Variants in ADGRL3 observed in about 807,000 individuals in gnomAD.
The protein encoded by ADGRL3 is adhesion G protein-coupled receptor L3.
ADGRL3 carries 62 observed loss-of-function variants against 153.5 expected under a neutral mutation model. The ratio of observed to expected loss-of-function variants is 0.40; its 90% CI spans 0.33 to 0.50. ADGRL3 has a LOEUF of 0.50. ADGRL3 is among the 20% of genes least tolerant of loss of function. The pLI is 0.47. For missense variants in ADGRL3, 1,641 were observed against 1,859.4 expected, an observed-to-expected ratio of 0.88 and a Z score of 2.16; for synonymous variants, 710 against 672.5, an observed-to-expected ratio of 1.06 and a Z score of -0.86.
intron 5 of ADGRL3, among the ~76,000 whole-genome samples, chr4:61,622,742 G>T (rs1479877257): frequency 6.6e-6 from 1 of 151,988 alleles, no homozygotes; most frequent in Non-Finnish European, 1.5e-5. Flanking sequence ...GAGGAAAATT[G>T]ATCTCAGAGG....
chr4:61,955,748 C>T (rs779885498), intron 17 of ADGRL3, among the ~76,000 whole-genome samples: 2 of 152,098 alleles, frequency 1.3e-5, no homozygotes, highest in Non-Finnish European at 2.9e-5. Flanking sequence ...CATGTGTTCT[C>T]ATTATTCAAC....
intron 13 of ADGRL3, among the ~76,000 whole-genome samples, chr4:61,922,909 C>T (rs2098776642): frequency 6.6e-6 from 1 of 152,176 alleles, no homozygotes; most frequent in African/African-American, 2.4e-5. Context: ...AATTAAAACA[C>T]AGTCATATGA....
intron 13 of ADGRL3, among the ~76,000 whole-genome samples, chr4:61,925,377 G>A (rs762149239): frequency 6.6e-6 from 1 of 152,144 alleles, no homozygotes; most frequent in East Asian, 1.9e-4. Flanking sequence ...GGTAATTTCA[G>A]ACATACCAAT....
intron 2 of ADGRL3, among the ~76,000 whole-genome samples, chr4:61,451,595 A>G (rs1231138060): frequency 6.6e-6 from 1 of 152,150 alleles, no homozygotes; most frequent in Admixed American, 6.6e-5. Flanking sequence ...TCTAGTATAA[A>G]TGGAGGTTTA....
chr4:61,739,742 C>T lies in ADGRL3; in HGVS notation c.1399+6188C>T, dbSNP rs558570708. ...TCCCCCCACCCTGTACCACCAGCTTCTCCCTTGCTTCACCCACATTGTTGT... is the reference window on the plus strand; with the variant it reads ...TCCCCCCACCCTGTACCACCAGCTTTTCCCTTGCTTCACCCACATTGTTGT... On this transcript the variant is annotated intron_variant, in intron 8 of 26. Transcript: ENST00000683033. Among the ~76,000 whole-genome samples, 144 of 152,302 alleles carry T rather than the reference C, an allele frequency of 9.5e-4. 1 individual carries two copies. The South Asian group carries it at 0.029, about 31-fold the overall frequency.
chr4:61,493,970 A>G (rs926799459), intron 2 of ADGRL3, among the ~76,000 whole-genome samples: 1 of 152,138 alleles, frequency 6.6e-6, no homozygotes, highest in African/African-American at 2.4e-5. Flanking sequence ...TATATGGATA[A>G]TTACATTAGG....
chr4:61,994,133 A>G (rs1332028482), intron 19 of ADGRL3, among the ~76,000 whole-genome samples: 17 of 152,052 alleles, frequency 1.1e-4, no homozygotes, highest in Admixed American at 1.1e-3. Flanking sequence ...AGAAGGCCAG[A>G]CTTCGTTTTT....
intron 5 of ADGRL3, among the ~76,000 whole-genome samples, chr4:61,654,765 C>G (rs2150451053): frequency 6.6e-6 from 1 of 151,980 alleles, no homozygotes; most frequent in East Asian, 1.9e-4. Flanking sequence ...GGTGTGATGG[C>G]AGGTGCCTGT....
intron 6 of ADGRL3, among the ~76,000 whole-genome samples, chr4:61,711,081 A>G (rs1464326915): frequency 6.6e-6 from 1 of 152,134 alleles, no homozygotes; most frequent in Non-Finnish European, 1.5e-5. Context: ...CATGAAAGTT[A>G]CCAAGAGTTG....
intron 19 of ADGRL3, among the ~76,000 whole-genome samples, chr4:61,986,755 T>G (rs1441040024): frequency 6.6e-6 from 1 of 152,168 alleles, no homozygotes; most frequent in Admixed American, 6.5e-5. Flanking sequence ...ATAACACATG[T>G]TAGTGTCTTG....
chr4:61,208,160 G>C (rs992585385), intron 1 of ADGRL3, among the ~76,000 whole-genome samples: 2 of 152,078 alleles, frequency 1.3e-5, no homozygotes, highest in African/African-American at 4.8e-5. Context: ...AAAATATCTG[G>C]ATCTAGGCCC....
intron 1 of ADGRL3, among the ~76,000 whole-genome samples, chr4:61,374,503 A>AC (rs2151799477): frequency 1.3e-5 from 2 of 152,116 alleles, no homozygotes; most frequent in African/African-American, 4.8e-5. Context: ...CAGATAAGGG[A>AC]CTATTACTGT....
chr4:61,459,614 A>G (rs1398163797), intron 2 of ADGRL3, among the ~76,000 whole-genome samples: 1 of 152,012 alleles, frequency 6.6e-6, no homozygotes, highest in Non-Finnish European at 1.5e-5. Flanking sequence ...TATTTTTAGT[A>G]TTTTGAGAAA....
intron 13 of ADGRL3, among the ~76,000 whole-genome samples, chr4:61,919,142 T>A (rs1479828647): frequency 6.6e-6 from 1 of 152,192 alleles, no homozygotes; most frequent in Non-Finnish European, 1.5e-5. Context: ...CTTGTTAAAG[T>A]GGCTAGAATA....
rs116420920 is a variant in ADGRL3, at chr4:61,659,121, G to A, written c.474-17705G>A. Among the ~76,000 whole-genome samples the A allele has an allele frequency of 4.5e-3, 683 of 152,162 alleles. 7 individuals are homozygous for A. Among genetic ancestry groups the A allele is most frequent in the African/African-American group, 0.016 (653 of 41,502 alleles). ...TTACCACATGACATTCTCCCTGTGC[G>A]TCTCTGTATCTGCATCCAAATTTCC... On this transcript the variant is annotated intron_variant, in intron 5 of 26. Transcript: ENST00000683033.
intron 17 of ADGRL3, among the ~76,000 whole-genome samples, chr4:61,956,089 C>T (rs1208740823): frequency 1.3e-5 from 2 of 152,128 alleles, no homozygotes; most frequent in Non-Finnish European, 2.9e-5. Context: ...ATTTCTGGTT[C>T]TAGATCCTTG....
At chr4:61,233,397 CTT>C (rs930711274) in intron 1 of ADGRL3, among the ~76,000 whole-genome samples, 33 of 151,952 alleles carry the variant, frequency 2.2e-4, no homozygotes, top group African/African-American at 7.7e-4. Context: ...TCTTTTTTCT[CTT>C]CTTTCTGCCT....
intron 4 of ADGRL3, among the ~76,000 whole-genome samples, chr4:61,571,717 T>G (rs2098839796): frequency 6.6e-6 from 1 of 152,156 alleles, no homozygotes; most frequent in Non-Finnish European, 1.5e-5. Context: ...CAAAACATAC[T>G]AGAAATAGAA....
chr4:61,319,227 C>G (rs1348055621), intron 1 of ADGRL3, among the ~76,000 whole-genome samples: 1 of 152,114 alleles, frequency 6.6e-6, no homozygotes. Context: ...AAACACCACT[C>G]AATGAAAATA....
Sources: allele counts gnomAD v4.1 joint callset (sites outside exome capture counted in the v4.1 genomes callset), GRCh38; gene constraint gnomAD v4.1.1; transcripts MANE v1.5; gene names NCBI Gene and HGNC (gene_info 2026-07-23, HGNC 2026-07-21).